Variants in ADCK1 observed in about 807,000 individuals in gnomAD.
The protein encoded by ADCK1 is aarF domain-containing protein kinase 1.
Under a neutral mutation model 52.3 loss-of-function variants are expected in ADCK1, and 41 were observed. The ratio of observed to expected loss-of-function variants is 0.78; its 90% CI spans 0.61 to 1.02. ADCK1 has a LOEUF of 1.02. ADCK1 is among the 50% of genes least tolerant of loss of function. The probability of loss-of-function intolerance (pLI) is 0.00; values close to 1 mark genes in which losing one functional copy is unlikely to be tolerated. For missense variants in ADCK1, 658 were observed against 679.5 expected (o/e 0.97, Z 0.35); for synonymous variants, 250 against 274.6 (o/e 0.91, Z 0.89).
At chr14:77,874,892 G>C (rs58092208) in intron 4 of ADCK1, among the ~76,000 whole-genome samples, 9,368 of 152,176 alleles carry the variant, frequency 0.062, 345 homozygotes, top group Middle Eastern at 0.12. Context: ...TTGAAGCTGA[G>C]ACCAGAGGAT....
In ADCK1 at chr14:77,852,674, T is replaced by A. The variant is rs1169530960; in HGVS notation, c.220-6402T>A. On this transcript the variant is annotated intron_variant, in intron 3 of 10. Transcript: ENST00000238561. ...TTAAATAAATAAATATATATATATA[T>A]ATATATATATATATATATATATATA... 1.6e-3 allele frequency among the ~76,000 whole-genome samples: 35 copies of A among 21,466 alleles called. 3 individuals are homozygous for A. Among genetic ancestry groups the A allele is most frequent in the Admixed American group, 5.2e-3 (7 of 1,348 alleles). 14.1% of individuals were successfully genotyped at this position (21,466 alleles called of 152,430 possible).
chr14:77,906,708 C>T (rs1419402104), intron 6 of ADCK1, among the ~76,000 whole-genome samples: 2 of 152,128 alleles, frequency 1.3e-5, no homozygotes, highest in African/African-American at 4.8e-5. Context: ...AAGATGGCTG[C>T]TACAGCACCA....
rs986601312 is a variant in ADCK1, at chr14:77,817,507, G to T, written c.-11-1461G>T. Reference sequence around the variant, plus strand: ...GGAATTGAAGGGGAAGCACTCTGTTGGGTGCACTGGCCGCAAAGAGTGACT... The same window carrying T: ...GGAATTGAAGGGGAAGCACTCTGTTTGGTGCACTGGCCGCAAAGAGTGACT... On this transcript the variant is annotated intron_variant, in intron 1 of 10. Transcript: ENST00000238561. Among the ~76,000 whole-genome samples the T allele has an allele frequency of 9.1e-4, 139 of 152,310 alleles. 1 individual carries two copies. The highest frequency in any genetic ancestry group is 3.2e-3 in the African/African-American group (131 of 41,570).
chr14:77,815,199 CTTTTTTT>C (rs56211176), intron 1 of ADCK1, among the ~76,000 whole-genome samples: 5 of 129,442 alleles, frequency 3.9e-5, no homozygotes, highest in Non-Finnish European at 6.5e-5. Context: ...TTTGTTTTGT[CTTTTTTT>C]TTTTTTTTTT....
rs117075835 is a variant in ADCK1 at position 77,891,247 on chromosome 14, G to A, written c.582+3998G>A. 6.6e-5 allele frequency among the ~76,000 whole-genome samples: 10 copies of A among 152,330 alleles called. No individual in the cohort carries two copies. The East Asian group carries it at 1.7e-3, about 26-fold the overall frequency. On this transcript the variant is annotated intron_variant, in intron 5 of 10. Coordinates refer to ENST00000238561, the MANE Select transcript of ADCK1 (RefSeq NM_020421.4). ...AGTGGAAGGGAGCTGACCAGGGCAG[G>A]AGAGCAGGATTGCTGGGTGGCCCTG...
chr14:77,844,995 C>T (rs1215980298), intron 3 of ADCK1, among the ~76,000 whole-genome samples: 1 of 152,218 alleles, frequency 6.6e-6, no homozygotes, highest in Non-Finnish European at 1.5e-5. Context: ...CGCATATGCA[C>T]TCACTTCCTA....
At chr14:77,817,951 G>A (rs913401075) in intron 1 of ADCK1, among the ~76,000 whole-genome samples, 17 of 151,764 alleles carry the variant, frequency 1.1e-4, no homozygotes, top group Non-Finnish European at 1.9e-4. Context: ...TGTTAGCCAG[G>A]ATGGTCTTGA....
chr14:77,816,674 G>A (rs2140021796), intron 1 of ADCK1, among the ~76,000 whole-genome samples: 1 of 151,970 alleles, frequency 6.6e-6, no homozygotes, highest in South Asian at 2.1e-4. Context: ...GCAAACGTAA[G>A]TGTGTACCTG....
chr14:77,821,673 G>A (rs377249293), intron 2 of ADCK1, among the ~76,000 whole-genome samples: 7 of 152,094 alleles, frequency 4.6e-5, no homozygotes, highest in African/African-American at 1.7e-4. Context: ...CTGAGGTCAG[G>A]AGTTCGAGAC....
chr14:77,876,481 C>A (rs916459511), intron 4 of ADCK1, among the ~76,000 whole-genome samples: 2 of 152,206 alleles, frequency 1.3e-5, no homozygotes, highest in African/African-American at 4.8e-5. Flanking sequence ...TGCAAAGTAT[C>A]TTTTGCCATA....
chr14:77,878,932 C>G (rs547902507), intron 4 of ADCK1, among the ~76,000 whole-genome samples: 5 of 152,058 alleles, frequency 3.3e-5, no homozygotes, highest in African/African-American at 4.8e-5. Flanking sequence ...CTTCCCCCCC[C>G]ACGAATGAAT....
chr14:77,827,503 C>T (rs900060209), intron 3 of ADCK1, among the ~76,000 whole-genome samples: 5 of 151,186 alleles, frequency 3.3e-5, no homozygotes, highest in African/African-American at 1.2e-4. Context: ...CTGTTTCTTG[C>T]AGCCGAATGA....
At chr14:77,907,994 G>A (rs1211230334) in intron 7 of ADCK1, 75 bp downstream of exon 7, 2 of 1,227,568 alleles carry the variant, frequency 1.6e-6, no homozygotes, top group African/African-American at 1.5e-5. Flanking sequence ...GTGCCTGTGT[G>A]TCCAGGTGAG....
chr14:77,814,999 G>T (rs2081414521), intron 1 of ADCK1, among the ~76,000 whole-genome samples: 2 of 149,954 alleles, frequency 1.3e-5, no homozygotes, highest in Non-Finnish European at 3.0e-5. Context: ...CAATTCTCTT[G>T]CATCAGCCTC....
chr14:77,927,971 T>A (rs2140300335), intron 9 of ADCK1, among the ~76,000 whole-genome samples: 1 of 152,214 alleles, frequency 6.6e-6, no homozygotes, highest in Non-Finnish European at 1.5e-5. Context: ...AGTATCTCTC[T>A]CGAGTGGGGT....
intron 5 of ADCK1, among the ~76,000 whole-genome samples, chr14:77,888,690 G>A (rs2083215373): frequency 1.3e-5 from 2 of 152,066 alleles, no homozygotes. Flanking sequence ...ATGGGGTGGG[G>A]GCAAGGACTG....
At chr14:77,885,207 G>A (rs1256542824) in intron 4 of ADCK1, among the ~76,000 whole-genome samples, 1 of 152,230 alleles carries the variant, frequency 6.6e-6, no homozygotes, top group Non-Finnish European at 1.5e-5. Flanking sequence ...AAGATAAAGG[G>A]TTCTTATGCT....
chr14:77,901,483 G>A (rs1451717866), intron 6 of ADCK1, among the ~76,000 whole-genome samples: 1 of 151,626 alleles, frequency 6.6e-6, no homozygotes, highest in Non-Finnish European at 1.5e-5. Context: ...TCCACCTCCC[G>A]GGTTCAGGCG....
At chr14:77,800,613 T>A (rs897467426) in intron 1 of ADCK1, among the ~76,000 whole-genome samples, 5 of 152,186 alleles carry the variant, frequency 3.3e-5, no homozygotes, top group Non-Finnish European at 1.5e-5. Context: ...GCGATGCCCA[T>A]ATCCTGGCCC....
Sources: allele counts gnomAD v4.1 joint callset (sites outside exome capture counted in the v4.1 genomes callset), GRCh38; gene constraint gnomAD v4.1.1; transcripts MANE v1.5; gene names NCBI Gene and HGNC (gene_info 2026-07-23, HGNC 2026-07-21).